Variants in AMZ1 observed in about 807,000 individuals in gnomAD.
The protein encoded by AMZ1 is archaelysin family metallopeptidase 1, also known as archaemetzincin-1.
A neutral mutation model predicts 29.9 loss-of-function variants in AMZ1; 39 were observed. The observed-to-expected ratio is 1.30, with a 90% CI of 1.01 to 1.70. The LOEUF is 1.70. AMZ1 is among the 40% of genes most tolerant of loss of function. The pLI is 0.00. For synonymous variants in AMZ1, 458 were observed against 304.0 expected, an observed-to-expected ratio of 1.51 and a Z score of -5.27; for missense variants, 1,041 against 680.6, an observed-to-expected ratio of 1.53 and a Z score of -5.89.
At chr7:2,708,544 C>A (rs753244065) in intron 3 of AMZ1, 44 bp from the exon 4 acceptor site, 2 of 1,606,480 alleles carry the variant, frequency 1.2e-6, no homozygotes, top group Non-Finnish European at 1.7e-6. Flanking sequence ...AGATGGGGGT[C>A]CCCGGCTGCC....
At chr7:2,680,539 G>A (rs985891848) in intron 1 of AMZ1, among the ~76,000 whole-genome samples, 6 of 152,198 alleles carry the variant, frequency 3.9e-5, no homozygotes, top group African/African-American at 1.4e-4. Context: ...CCCCTCTGTG[G>A]CTGGGGTTGC....
At chr7:2,760,131 A>G (rs1389084787), upstream of AMZ1, among the ~76,000 whole-genome samples, 1 of 152,264 alleles carries the variant, frequency 6.6e-6, no homozygotes, top group Admixed American at 6.5e-5. Context: ...GTGGACAAAG[A>G]GAGCCCCACG....
At position 2,708,693 on chromosome 7, in the gene AMZ1, TCAG is replaced by T; in HGVS notation, c.581_583del (p.Ser194del). ...CCCCATGAGGCCTGGAGCTTCACCT[TCAG>T]CAAGTTCCTTCCAGGGCACGGTGAG... On this transcript the variant is annotated inframe_deletion, in exon 4 of 7. Transcript: ENST00000683327. The T allele has an allele frequency of 1.1e-5, 18 of 1,613,028 alleles. No individual in the cohort carries two copies. The highest frequency in any genetic ancestry group is 1.5e-5 in the Non-Finnish European group (18 of 1,179,996).
intron 4 of AMZ1, among the ~76,000 whole-genome samples, chr7:2,738,412 G>C (rs1790321974): frequency 6.6e-6 from 1 of 152,206 alleles, no homozygotes. Flanking sequence ...CACGCAGTCA[G>C]GGGCTACGCA....
At chr7:2,726,578 G>A (rs139683070) in intron 4 of AMZ1, among the ~76,000 whole-genome samples, 112 of 152,332 alleles carry the variant, frequency 7.4e-4, no homozygotes, top group African/African-American at 2.3e-3. Context: ...TCAGCCTACA[G>A]TCGGAGCACA....
chr7:2,717,390 G>A lies in AMZ1; in HGVS notation c.*4512G>A, dbSNP rs755007312. On this transcript the variant is annotated 3_prime_UTR_variant, in exon 7 of 7. Coordinates refer to ENST00000683327, the MANE Select transcript of AMZ1 (RefSeq NM_001384743.1). ...CCTCTAAGCTGGCTTTGCAGCTCCA[G>A]TAAGAGTGAGAGACTCACGGGGGCC... Among the ~76,000 whole-genome samples the A allele has an allele frequency of 2.6e-5, 4 of 152,196 alleles. No individual in the cohort carries two copies. The highest frequency in any genetic ancestry group is 2.4e-5 in the African/African-American group (1 of 41,454).
At chr7:2,722,855 G>A (rs530740601), downstream of AMZ1, among the ~76,000 whole-genome samples, 9 of 152,234 alleles carry the variant, frequency 5.9e-5, no homozygotes, top group African/African-American at 1.9e-4. Context: ...CCACATGCCT[G>A]TGGTCCCAGC....
At chr7:2,762,674 T>G, upstream of AMZ1, 1 of 1,595,684 alleles carries the variant, frequency 6.3e-7, no homozygotes, top group South Asian at 1.1e-5. Flanking sequence ...ATAAATCATT[T>G]GGAAAGAAAC....
At chr7:2,763,060 G>T (rs2115403783), upstream of AMZ1, 2 of 1,246,484 alleles carry the variant, frequency 1.6e-6, no homozygotes, top group South Asian at 7.4e-5. Flanking sequence ...CCAGGACGCA[G>T]ACCGGGGCTC....
chr7:2,690,734 G>C (rs1787337827), intron 1 of AMZ1, among the ~76,000 whole-genome samples: 1 of 152,118 alleles, frequency 6.6e-6, no homozygotes, highest in African/African-American at 2.4e-5. Flanking sequence ...GGCCCTTCCT[G>C]TTGCTCCCAT....
intron 1 of AMZ1, among the ~76,000 whole-genome samples, chr7:2,693,237 C>T (rs1226641232): frequency 4.6e-5 from 7 of 151,984 alleles, no homozygotes; most frequent in South Asian, 2.1e-4. Context: ...TACAGGCATG[C>T]GCCACCACGC....
upstream of AMZ1, chr7:2,763,191 A>AACACACACACACACACAC (rs56384682): frequency 9.6e-3 from 2,137 of 222,640 alleles, 37 homozygotes; most frequent in Non-Finnish European, 0.011. Flanking sequence ...AAGACACCCC[A>AACACACACACACACACAC]ACACACACAC....
chr7:2,709,737 G>C lies in AMZ1; in HGVS notation c.869G>C (p.Arg290Pro), dbSNP rs200004410. Residue 290 changes from arginine to proline, a missense_variant, in exon 6 of 7, where the codon CGG becomes CCG. Physicochemically the swap from Arg to Pro is moderately radical, Grantham distance 103. Transcript: ENST00000683327. ...GCGCTCAGCCTGGACGAGGCCCTGCGGCGGCCCCTGGACCTCTGTCCCATC... is the reference window on the plus strand; with the variant it reads ...GCGCTCAGCCTGGACGAGGCCCTGCCGCGGCCCCTGGACCTCTGTCCCATC... ...QGALSLDEALRRPLDLCPICL... is the reference protein window; with the variant it reads ...QGALSLDEALPRPLDLCPICL... The C allele has an allele frequency of 3.7e-6, 6 of 1,611,446 alleles. No homozygotes were observed. Among genetic ancestry groups the C allele is most frequent in the South Asian group, 1.1e-5 (1 of 90,998 alleles).
chr7:2,761,240 G>A (rs1025614728), upstream of AMZ1, among the ~76,000 whole-genome samples: 3 of 152,088 alleles, frequency 2.0e-5, no homozygotes, highest in Admixed American at 1.3e-4. Context: ...CCTCCCGGCC[G>A]TGGATGGCAC....
intron 1 of AMZ1, among the ~76,000 whole-genome samples, chr7:2,690,649 C>T (rs543906266): frequency 2.4e-4 from 36 of 152,214 alleles, no homozygotes; most frequent in Admixed American, 1.6e-3. Flanking sequence ...CCACTGCTTG[C>T]GGGTGTGCAA....
At chr7:2,703,563 T>C (rs1174405104) in intron 3 of AMZ1, among the ~76,000 whole-genome samples, 1 of 152,146 alleles carries the variant, frequency 6.6e-6, no homozygotes, top group Non-Finnish European at 1.5e-5. Flanking sequence ...CGCTGGTGAC[T>C]GGAGAGTGTG....
chr7:2,740,175 G>T (rs1170241646), intron 4 of AMZ1, among the ~76,000 whole-genome samples: 1 of 151,976 alleles, frequency 6.6e-6, no homozygotes, highest in African/African-American at 2.4e-5. Flanking sequence ...TCTTTTCTGG[G>T]TTTTCTGGCA....
intron 4 of AMZ1, among the ~76,000 whole-genome samples, chr7:2,758,956 A>G (rs1237711547): frequency 6.6e-6 from 1 of 152,014 alleles, no homozygotes; most frequent in East Asian, 1.9e-4. Flanking sequence ...GCCTCCTGAT[A>G]TGGTGAAACA....
intron 1 of AMZ1, among the ~76,000 whole-genome samples, chr7:2,699,013 T>C (rs140450824): frequency 2.8e-4 from 42 of 152,300 alleles, no homozygotes; most frequent in Admixed American, 7.8e-4. Flanking sequence ...GGCTGCTGAT[T>C]CATAAGGGTC....
Sources: gnomAD v4.1 joint callset for allele counts (sites outside exome capture counted in the v4.1 genomes callset) on GRCh38, gnomAD v4.1.1 for gene constraint, MANE v1.5 for transcripts, NCBI Gene and HGNC (gene_info 2026-07-23, HGNC 2026-07-21) for gene names.